ZNF649: variants seen among roughly 807,000 people sequenced by gnomAD.
ZNF649 encodes the protein zinc finger protein 649.
A neutral mutation model predicts 14.1 loss-of-function variants in ZNF649; 7 were observed. The ratio of observed to expected loss-of-function variants is 0.49; its 90% CI spans 0.28 to 0.93. The LOEUF (loss-of-function observed/expected upper bound fraction) is 0.93, where lower values mean the gene tolerates loss of function less well. ZNF649 is among the 40% of genes least tolerant of loss of function. The pLI, the probability that ZNF649 is intolerant of heterozygous loss-of-function variation, is 0.10. For missense variants in ZNF649, 544 were observed against 608.1 expected (o/e 0.89, Z 1.11); for synonymous variants, 227 against 212.3 (o/e 1.07, Z -0.60).
chr19:51,893,791 C>A (rs2085040049), intron 4 of ZNF649, among the ~76,000 whole-genome samples: 1 of 152,198 alleles, frequency 6.6e-6, no homozygotes, highest in Non-Finnish European at 1.5e-5. Context: ...ACTTATGTCT[C>A]TGTTGGCATC....
At position 51,891,361 on chromosome 19, in the gene ZNF649, C is replaced by G. The variant is rs149982418; in HGVS notation, c.775G>C (p.Glu259Gln). Residue 259 changes from glutamate (E) to glutamine (Q), a missense_variant, in exon 5 of 5, where the codon GAG (glutamate) becomes CAG (glutamine). Physicochemically the swap from Glu to Gln is conservative, Grantham distance 29 (BLOSUM62 2). Transcript: ENST00000354957. The surrounding 1 kb of genome is among the most constrained non-coding windows in gnomAD (Gnocchi z 4.2). ...CATTCACTGCACCCGTATGGTTTCT[C>G]TCCTTTGTGAGCTCTCTCGTGTTCA... The part of the protein sequence containing the change: ...LTEHERAHKG[E>Q]KPYGCSECGK... 4,286 of 1,614,228 alleles carry G rather than the reference C, an allele frequency of 2.7e-3. 2 individuals carry two copies. Among genetic ancestry groups the G allele is most frequent in the Non-Finnish European group, 3.3e-3 (3,851 of 1,180,048 alleles).
chr19:51,899,191 C>G (rs536807908), intron 2 of ZNF649, among the ~76,000 whole-genome samples: 2 of 152,200 alleles, frequency 1.3e-5, no homozygotes, highest in African/African-American at 2.4e-5. Context: ...GAGACAGAGA[C>G]CAAATATATA....
intron 3 of ZNF649, 118 bp downstream of exon 3, chr19:51,896,734 A>T: frequency 1.9e-6 from 3 of 1,603,664 alleles, no homozygotes; most frequent in Non-Finnish European, 2.6e-6. Context: ...GGGACCAGAG[A>T]CGGGCCTGAG....
At position 51,891,844 on chromosome 19, in the gene ZNF649, G is replaced by C; in HGVS notation, c.292C>G (p.Leu98Val). ...LQQPLQNQKI[L>V]KRTGQRYEHG... is the part of the protein sequence containing the mutation. ...TCATAGCGTTGTCCCGTCCTCTTCA[G>C]TATTTTTTGGTTTTGCAAGGGCTGC... Residue 98 changes from leucine to valine, a missense_variant, in exon 5 of 5, where the codon CTG (leucine) becomes GTG (valine). Physicochemically the swap from Leu to Val is conservative, Grantham distance 32. Coordinates refer to ENST00000354957, the MANE Select transcript of ZNF649 (RefSeq NM_023074.4). The surrounding 1 kb of genome is among the most constrained non-coding windows in gnomAD (Gnocchi z 4.2). 1.3e-6 allele frequency: 2 copies of C among 1,584,380 alleles called. No homozygotes were observed. Among genetic ancestry groups the C allele is most frequent in the Non-Finnish European group, 1.7e-6 (2 of 1,172,064 alleles).
chr19:51,900,186 T>C lies in ZNF649; in HGVS notation c.-79A>G. 1.5e-6 allele frequency: 2 copies of C among 1,292,682 alleles called. No homozygotes were observed. The highest frequency in any genetic ancestry group is 2.1e-6 in the Non-Finnish European group (2 of 972,130). 80.1% of individuals were successfully genotyped at this position (1,292,682 alleles called of 1,614,324 possible). A position where few individuals can be genotyped will look rare whatever the true frequency, so the allele number is the denominator to read the frequency against. On this transcript the variant is annotated 5_prime_UTR_variant, in exon 2 of 5. The change abolishes the stop of an existing upstream ORF in the 5' untranslated region. Coordinates refer to ENST00000354957, the MANE Select transcript of ZNF649 (RefSeq NM_023074.4). ...TTCTGGATCCTCCCTAAATTTTGGC[T>C]AAGAAATCTGAGTCTCCATTTAAGA...
rs892620686 is a variant in ZNF649 at position 51,902,987 on chromosome 19, C to T, written c.-188+1927G>A. Among the ~76,000 whole-genome samples the T allele has an allele frequency of 7.2e-5, 11 of 151,990 alleles. 1 individual carries two copies. Among genetic ancestry groups the T allele is most frequent in the African/African-American group, 2.7e-4 (11 of 41,348 alleles). Reference sequence around the variant, plus strand: ...TGGCAAAGTTATCTCGGGGTAAATGCTCCAGCTGCAAGCACCAAAGGTGAG... The same window carrying T: ...TGGCAAAGTTATCTCGGGGTAAATGTTCCAGCTGCAAGCACCAAAGGTGAG... On this transcript the variant is annotated intron_variant, in intron 1 of 4. Transcript: ENST00000354957.
intron 4 of ZNF649, among the ~76,000 whole-genome samples, chr19:51,894,424 G>A (rs148610266): frequency 0.018 from 2,697 of 152,220 alleles, 29 homozygotes; most frequent in Non-Finnish European, 0.029. Flanking sequence ...ATGAGCCACC[G>A]CACCCGGCCT....
chr19:51,904,032 A>C (rs932887792), intron 1 of ZNF649: 1 of 152,832 alleles, frequency 6.5e-6, no homozygotes, highest in Non-Finnish European at 1.5e-5. Flanking sequence ...ATACTCATAG[A>C]CTGCTGAATG....
chr19:51,897,430 C>CA (rs778454259), intron 2 of ZNF649, among the ~76,000 whole-genome samples: 19 of 152,170 alleles, frequency 1.2e-4, no homozygotes, highest in Non-Finnish European at 2.5e-4. Flanking sequence ...CTCTTGCTAA[C>CA]ATGAGAATGT....
At chr19:51,900,783 A>C (rs1438020815) in intron 1 of ZNF649, among the ~76,000 whole-genome samples, 1 of 152,132 alleles carries the variant, frequency 6.6e-6, no homozygotes, top group Non-Finnish European at 1.5e-5. Context: ...GGAGGCAGAG[A>C]CTGGAGTGAT....
chr19:51,897,262 T>C, intron 2 of ZNF649: 2 of 285,198 alleles, frequency 7.0e-6, no homozygotes, highest in Non-Finnish European at 1.3e-5. Context: ...ACCCTTGCAG[T>C]ACAAATTCAT....
intron 4 of ZNF649, among the ~76,000 whole-genome samples, chr19:51,894,433 C>T (rs2122761909): frequency 6.6e-6 from 1 of 152,310 alleles, no homozygotes; most frequent in South Asian, 2.1e-4. Context: ...CGCACCCGGC[C>T]TTCAGGCTAA....
At chr19:51,894,496 CAT>C (rs528372506) in intron 4 of ZNF649, among the ~76,000 whole-genome samples, 49 of 152,292 alleles carry the variant, frequency 3.2e-4, no homozygotes, top group African/African-American at 1.1e-3. Context: ...AACTTCTTGT[CAT>C]ATGTCTTCAT....
intron 1 of ZNF649, among the ~76,000 whole-genome samples, chr19:51,901,984 AG>A (rs1306039467): frequency 1.3e-5 from 2 of 151,444 alleles, no homozygotes; most frequent in Non-Finnish European, 2.9e-5. Context: ...TAAAGAAAGA[AG>A]AAATAATAAT....
intron 1 of ZNF649, 184 bp from the exon 2 acceptor site, chr19:51,900,478 T>C (rs2085088352): frequency 4.9e-6 from 1 of 202,360 alleles, no homozygotes; most frequent in East Asian, 1.1e-4. Context: ...GGGAGTCATA[T>C]GGCAGTGGGC....
chr19:51,896,913 A>C lies in ZNF649; in HGVS notation c.81T>G (p.Pro27=). The change falls in exon 3 of 5, where the codon CCT becomes CCG. Residue 27 remains proline (P), a synonymous_variant. Coordinates refer to ENST00000354957, the MANE Select transcript of ZNF649 (RefSeq NM_023074.4). ...CATCCCGGTACAGGTCCTTCTGAGCAGGGCTCAGGAACTGCCACTCCTCCC... is the reference window on the plus strand; with the variant it reads ...CATCCCGGTACAGGTCCTTCTGAGCCGGGCTCAGGAACTGCCACTCCTCCC... ...FTWEEWQFLS[P]AQKDLYRDVM... 1 of 1,614,204 alleles carries C rather than the reference A, an allele frequency of 6.2e-7. No homozygotes were observed. Among genetic ancestry groups the C allele is most frequent in the East Asian group, 2.2e-5 (1 of 44,882 alleles).
At chr19:51,901,504 GCA>G (rs2085094374) in intron 1 of ZNF649, among the ~76,000 whole-genome samples, 1 of 152,190 alleles carries the variant, frequency 6.6e-6, no homozygotes, top group Admixed American at 6.5e-5. Context: ...CTTTGGCCAG[GCA>G]CAGTGGCTCA....
intron 2 of ZNF649, among the ~76,000 whole-genome samples, chr19:51,898,985 G>C (rs1287513076): frequency 1.3e-5 from 2 of 152,144 alleles, no homozygotes; most frequent in East Asian, 3.9e-4. Flanking sequence ...GGGTGGGACT[G>C]AAAGTCCCAA....
rs142375592 is a variant in ZNF649, at chr19:51,904,981, T to TGGCACC, written c.-256_-255insGGTGCC. On this transcript the variant is annotated 5_prime_UTR_variant, in exon 1 of 5. Transcript: ENST00000354957. ...TTTCCTGGCCCTTAAACCCCGGCAC[T>TGGCACC]GGCCTATGGCGGCGGACGAGGGCGC... The TGGCACC allele has an allele frequency of 0.091, 13,867 of 152,060 alleles. 1,949 individuals carry two copies. Among genetic ancestry groups the TGGCACC allele is most frequent in the African/African-American group, 0.3 (12,587 of 41,270 alleles). 9.4% of individuals were successfully genotyped at this position (152,060 alleles called of 1,614,324 possible). A position where few individuals can be genotyped will look rare whatever the true frequency, so the allele number is the denominator to read the frequency against.
Sources: allele counts gnomAD v4.1 joint callset (sites outside exome capture counted in the v4.1 genomes callset), GRCh38; gene constraint gnomAD v4.1.1; non-coding constraint Gnocchi (gnomAD v3.1); transcripts MANE v1.5; gene names NCBI Gene and HGNC (gene_info 2026-07-23, HGNC 2026-07-21).